SHISA9: variants seen among roughly 807,000 people sequenced by gnomAD.
The protein encoded by SHISA9 is protein shisa-9.
Under a neutral mutation model 38.0 loss-of-function variants are expected in SHISA9, and 13 were observed. That is an observed-to-expected ratio of 0.34 (90% confidence interval 0.22 to 0.54). The LOEUF is 0.54. SHISA9 is among the 20% of genes least tolerant of loss of function. The pLI is 0.91. For missense variants in SHISA9, 538 were observed against 575.8 expected (o/e 0.93, Z 0.67); for synonymous variants, 275 against 242.0 (o/e 1.14, Z -1.27).
At chr16:12,998,374 C>T (rs1309889251) in intron 2 of SHISA9, among the ~76,000 whole-genome samples, 1 of 152,196 alleles carries the variant, frequency 6.6e-6, no homozygotes. Context: ...TGGTAAACAG[C>T]TTTTCCCGAT....
chr16:13,367,220 C>T, the SHISA9 span, among the ~76,000 whole-genome samples: 4 of 151,024 alleles, frequency 2.6e-5, no homozygotes, highest in South Asian at 2.1e-4. Context: ...AAGGATTATA[C>T]GTTTTGCCAC....
the SHISA9 span, among the ~76,000 whole-genome samples, chr16:13,360,274 G>A: frequency 4.6e-5 from 7 of 152,124 alleles, no homozygotes; most frequent in South Asian, 6.2e-4. Context: ...GCTCACTGAC[G>A]GTGTCCCACT....
chr16:13,388,081 C>T, the SHISA9 span, among the ~76,000 whole-genome samples: 2 of 152,138 alleles, frequency 1.3e-5, no homozygotes, highest in Non-Finnish European at 2.9e-5. Flanking sequence ...CCCATTCCAT[C>T]CTGGGAGCTC....
At chr16:13,429,853 A>T in the SHISA9 span, among the ~76,000 whole-genome samples, 2 of 152,238 alleles carry the variant, frequency 1.3e-5, no homozygotes, top group Admixed American at 6.5e-5. Flanking sequence ...AATAGCGACA[A>T]TGTCCTTGTT....
chr16:13,194,928 C>T (rs1044004176), intron 2 of SHISA9, among the ~76,000 whole-genome samples: 14 of 152,126 alleles, frequency 9.2e-5, no homozygotes, highest in African/African-American at 3.1e-4. Flanking sequence ...TACAGATAAT[C>T]GAGGGAGGAA....
intron 2 of SHISA9, among the ~76,000 whole-genome samples, chr16:13,092,975 AC>A (rs1421113092): frequency 2.0e-5 from 3 of 152,248 alleles, no homozygotes; most frequent in Non-Finnish European, 2.9e-5. Context: ...TGAGAATCAG[AC>A]TTTTAAACAT....
chr16:13,207,317 G>C (rs958403077), intron 3 of SHISA9, among the ~76,000 whole-genome samples: 2 of 152,128 alleles, frequency 1.3e-5, no homozygotes, highest in African/African-American at 4.8e-5. Flanking sequence ...GATTTATGTG[G>C]AGCTCCTCTA....
the SHISA9 span, among the ~76,000 whole-genome samples, chr16:13,330,210 G>A: frequency 6.6e-6 from 1 of 152,160 alleles, no homozygotes; most frequent in Non-Finnish European, 1.5e-5. Flanking sequence ...CATTTCACCC[G>A]ACTATGTGCA....
the SHISA9 span, among the ~76,000 whole-genome samples, chr16:13,552,569 C>T: frequency 3.3e-5 from 5 of 151,982 alleles, no homozygotes; most frequent in East Asian, 1.9e-4. Context: ...ATTAATATCG[C>T]CATTTCGCAG....
At chr16:12,938,051 C>G (rs1456027001) in intron 2 of SHISA9, among the ~76,000 whole-genome samples, 3 of 152,228 alleles carry the variant, frequency 2.0e-5, no homozygotes, top group Admixed American at 6.5e-5. Flanking sequence ...GGCCACCAGT[C>G]TCTCCTTGAT....
chr16:13,523,988 A>G, the SHISA9 span, among the ~76,000 whole-genome samples: 6 of 152,202 alleles, frequency 3.9e-5, no homozygotes, highest in Non-Finnish European at 1.5e-5. Flanking sequence ...GGGGAAACTG[A>G]GGCTCAGGAA....
chr16:13,551,621 C>T, the SHISA9 span, among the ~76,000 whole-genome samples: 1 of 152,148 alleles, frequency 6.6e-6, no homozygotes, highest in African/African-American at 2.4e-5. Flanking sequence ...ACAAACATAC[C>T]ACATGCATAC....
chr16:13,455,606 C>T, the SHISA9 span, among the ~76,000 whole-genome samples: 1 of 152,220 alleles, frequency 6.6e-6, no homozygotes, highest in Admixed American at 6.5e-5. Context: ...TAATTATGTT[C>T]ATTCAACCCT....
the SHISA9 span, among the ~76,000 whole-genome samples, chr16:13,383,072 A>G: frequency 6.6e-6 from 1 of 152,212 alleles, no homozygotes; most frequent in African/African-American, 2.4e-5. Context: ...CCCTCATGGA[A>G]CTTACATTCT....
At chr16:13,060,454 G>A (rs142517439) in intron 2 of SHISA9, among the ~76,000 whole-genome samples, 12 of 152,042 alleles carry the variant, frequency 7.9e-5, no homozygotes, top group African/African-American at 2.9e-4. Flanking sequence ...AGATTGGAAC[G>A]GATCACAGAG....
intron 2 of SHISA9, among the ~76,000 whole-genome samples, chr16:13,193,495 C>G (rs967434744): frequency 1.8e-4 from 27 of 152,010 alleles, no homozygotes; most frequent in African/African-American, 6.3e-4. Flanking sequence ...GGTATTACAG[C>G]TACCATGCCC....
At chr16:13,370,206 C>T in the SHISA9 span, among the ~76,000 whole-genome samples, 7 of 152,208 alleles carry the variant, frequency 4.6e-5, no homozygotes, top group South Asian at 2.1e-4. Flanking sequence ...GGCTTGGTAA[C>T]GACCAACGTA....
the SHISA9 span, among the ~76,000 whole-genome samples, chr16:13,440,355 G>C: frequency 6.6e-6 from 1 of 152,210 alleles, no homozygotes; most frequent in Non-Finnish European, 1.5e-5. Context: ...TTAGGGAAGA[G>C]TTGTCAGTCA....
At chr16:13,126,432 G>A (rs1652195088) in intron 2 of SHISA9, among the ~76,000 whole-genome samples, 1 of 151,946 alleles carries the variant, frequency 6.6e-6, no homozygotes, top group Admixed American at 6.6e-5. Context: ...GGAAGAGGGA[G>A]AGAGAGAGGG....
Sources: gnomAD v4.1 joint callset for allele counts (sites outside exome capture counted in the v4.1 genomes callset) on GRCh38, gnomAD v4.1.1 for gene constraint, MANE v1.5 for transcripts, NCBI Gene and HGNC (gene_info 2026-07-23, HGNC 2026-07-21) for gene names.